Variants in RRM2 observed in about 807,000 individuals in gnomAD.
RRM2 encodes the protein ribonucleoside-diphosphate reductase subunit M2.
Under a neutral mutation model 45.9 loss-of-function variants are expected in RRM2, and 6 were observed. The observed-to-expected ratio is 0.13, with a 90% CI of 0.07 to 0.26. RRM2 has a LOEUF of 0.26. Among genes scored for constraint, RRM2 ranks in the 10% least tolerant of loss-of-function variants. The probability of loss-of-function intolerance (pLI) is 1.00; values close to 1 mark genes in which losing one functional copy is unlikely to be tolerated. For missense variants in RRM2, 343 were observed against 489.5 expected, an observed-to-expected ratio of 0.70 and a Z score of 2.82; for synonymous variants, 177 against 173.0, an observed-to-expected ratio of 1.02 and a Z score of -0.18.
intron 3 of RRM2, among the ~76,000 whole-genome samples, chr2:10,164,549 A>G (rs11891059): frequency 0.33 from 50,928 of 152,074 alleles, 8,798 homozygotes; most frequent in Non-Finnish European, 0.38. Flanking sequence ...TCACGGGCGA[A>G]GTGAGCAGGC....
At chr2:10,199,291 G>T (rs984920909) in intron 3 of RRM2, 1 of 136,464 alleles carries the variant, frequency 7.3e-6, no homozygotes. Flanking sequence ...AAAAAAAAGG[G>T]GGGGGGGAAG....
chr2:10,141,101 C>G (rs1663070753), upstream of RRM2, among the ~76,000 whole-genome samples: 1 of 152,220 alleles, frequency 6.6e-6, no homozygotes, highest in Non-Finnish European at 1.5e-5. Flanking sequence ...GTGCTGTAGC[C>G]TCTGGAAGTT....
At chr2:10,160,809 C>T (rs758063879) in intron 3 of RRM2, among the ~76,000 whole-genome samples, 3 of 152,214 alleles carry the variant, frequency 2.0e-5, no homozygotes, top group Non-Finnish European at 2.9e-5. Flanking sequence ...GCCCTGCCCC[C>T]GCCAGGTGAG....
intron 3 of RRM2, among the ~76,000 whole-genome samples, chr2:10,183,623 G>A (rs1207988668): frequency 1.3e-5 from 2 of 152,314 alleles, no homozygotes; most frequent in East Asian, 3.9e-4. Flanking sequence ...GCCAAGGTGG[G>A]CAGATCACTT....
At chr2:10,210,970 A>C (rs1664751735) in exon 4 of RRM2, 1 of 191,092 alleles carries the variant, frequency 5.2e-6, no homozygotes, top group South Asian at 1.1e-4. Context: ...TCCAGCCCCC[A>C]GAGCTGTGAG....
intron 3 of RRM2, among the ~76,000 whole-genome samples, chr2:10,179,932 T>C (rs1481507237): frequency 2.0e-5 from 3 of 152,222 alleles, no homozygotes; most frequent in Admixed American, 2.0e-4. Context: ...GGATTAGAGC[T>C]TCCCTCTGTC....
chr2:10,197,020 T>C (rs1414743805), intron 3 of RRM2, among the ~76,000 whole-genome samples: 1 of 152,064 alleles, frequency 6.6e-6, no homozygotes, highest in Non-Finnish European at 1.5e-5. Context: ...CTCACCCCAG[T>C]GAGCTTCCCA....
intron 3 of RRM2, among the ~76,000 whole-genome samples, chr2:10,175,853 G>A (rs1306011441): frequency 6.6e-6 from 1 of 151,914 alleles, no homozygotes; most frequent in African/African-American, 2.4e-5. Flanking sequence ...TGATCCACCT[G>A]CCTCAGCCTC....
chr2:10,197,961 T>C (rs994158956), intron 3 of RRM2, among the ~76,000 whole-genome samples: 2 of 152,112 alleles, frequency 1.3e-5, no homozygotes, highest in African/African-American at 4.8e-5. Flanking sequence ...AAACCTCCAA[T>C]GGGGCAGGGT....
intron 3 of RRM2, 45 bp downstream of exon 3, chr2:10,123,575 G>A (rs369652501): frequency 1.1e-5 from 18 of 1,576,536 alleles, no homozygotes; most frequent in Non-Finnish European, 1.5e-5. Flanking sequence ...TGACCGTCAC[G>A]CCTCAGACAT....
chr2:10,154,135 G>T (rs1001533550), intron 3 of RRM2, among the ~76,000 whole-genome samples: 1 of 152,222 alleles, frequency 6.6e-6, no homozygotes, highest in Non-Finnish European at 1.5e-5. Flanking sequence ...CCCCAGTGAT[G>T]AACTGAAGTA....
intron 3 of RRM2, among the ~76,000 whole-genome samples, chr2:10,203,845 G>A (rs75428146): frequency 0.02 from 3,083 of 152,014 alleles, 105 homozygotes; most frequent in African/African-American, 0.07. Context: ...TGGGGCTCAC[G>A]GTTAAGTCAA....
downstream of RRM2, among the ~76,000 whole-genome samples, chr2:10,132,637 G>A (rs575227369): frequency 3.9e-5 from 6 of 152,354 alleles, no homozygotes; most frequent in South Asian, 1.2e-3. Context: ...TGGAACTGAA[G>A]TATTTTGGGG....
At chr2:10,122,931 AG>A in intron 1 of RRM2, 34 bp downstream of exon 1, 1 of 1,550,504 alleles carries the variant, frequency 6.4e-7, no homozygotes. Flanking sequence ...CGGGCAGGGG[AG>A]GGAGGCAGGG....
intron 3 of RRM2, among the ~76,000 whole-genome samples, chr2:10,199,779 CA>C (rs796262395): frequency 4.2e-4 from 6 of 14,298 alleles, no homozygotes; most frequent in African/African-American, 1.1e-3. Flanking sequence ...GACTCAGTCT[CA>C]AAAAAAAAAA....
At chr2:10,143,507 ACT>A (rs1481148575) in intron 3 of RRM2, among the ~76,000 whole-genome samples, 1 of 152,048 alleles carries the variant, frequency 6.6e-6, no homozygotes, top group South Asian at 2.1e-4. Flanking sequence ...CTGGCCAGGC[ACT>A]CTCAGTGTTG....
chr2:10,175,683 C>A (rs934619635), intron 3 of RRM2, among the ~76,000 whole-genome samples: 28 of 152,156 alleles, frequency 1.8e-4, no homozygotes, highest in African/African-American at 6.8e-4. Context: ...CGGCAACCTC[C>A]GCCTCCCCGG....
downstream of RRM2, among the ~76,000 whole-genome samples, chr2:10,134,787 A>C (rs573442385): frequency 5.3e-5 from 8 of 152,196 alleles, no homozygotes; most frequent in African/African-American, 1.9e-4. Flanking sequence ...GTTGGAAGGG[A>C]TGTATCTAAG....
In RRM2 at chr2:10,129,325, A is replaced by C; in HGVS notation, c.1109A>C (p.Gln370Pro). The C allele has an allele frequency of 6.2e-7, 1 of 1,614,160 alleles. No homozygotes were observed. Among genetic ancestry groups the C allele is most frequent in the Non-Finnish European group, 8.5e-7 (1 of 1,180,010 alleles). ...TTTGAGAAGAGAGTAGGCGAGTATC[A>C]GAGGATGGGAGTGATGTCAAGTCCA... ...NFFEKRVGEY[Q>P]RMGVMSSPTE... Residue 370 changes from glutamine (Q) to proline (P), a missense_variant, in exon 10 of 10, where the codon CAG becomes CCG. Gln to Pro is a moderately conservative substitution (Grantham distance 76, BLOSUM62 -1). Around this residue, in one of 2 missense-constraint regions of RRM2, gnomAD observed 212 missense variants for 368.1 expected, o/e 0.58. Transcript: ENST00000304567. This position sits in a 1 kb window ranked among gnomAD's most constrained non-coding sequence, Gnocchi z 4.8.
Sources: allele counts gnomAD v4.1 joint callset (sites outside exome capture counted in the v4.1 genomes callset), GRCh38; gene constraint gnomAD v4.1.1; regional missense constraint gnomAD v4.1.1; non-coding constraint Gnocchi (gnomAD v3.1); transcripts MANE v1.5; gene names NCBI Gene and HGNC (gene_info 2026-07-23, HGNC 2026-07-21).